The following PHACTR1 variants were observed in gnomAD, a reference collection of about 807,000 sequenced individuals.
The protein encoded by PHACTR1 is RPEL repeat containing 1.
In PHACTR1, 16 loss-of-function variants were observed where a neutral mutation model predicts 69.2. The ratio of observed to expected loss-of-function variants is 0.23; its 90% CI spans 0.16 to 0.35. PHACTR1 has a LOEUF of 0.35. Ranked by LOEUF, PHACTR1 falls within the 10% of genes least tolerant of loss-of-function variation. PHACTR1 has a pLI of 1.00. For missense variants in PHACTR1, 510 were observed against 734.7 expected (o/e 0.69, Z 3.54); for synonymous variants, 312 against 284.5 (o/e 1.10, Z -0.97).
chr6:13,120,801 T>C (rs1818600406), intron 5 of PHACTR1, among the ~76,000 whole-genome samples: 1 of 152,144 alleles, frequency 6.6e-6, no homozygotes, highest in Admixed American at 6.5e-5. Flanking sequence ...GTCCTCATTA[T>C]TGTTGTCATT....
chr6:13,107,076 A>T (rs1816272785), intron 5 of PHACTR1, among the ~76,000 whole-genome samples: 1 of 149,604 alleles, frequency 6.7e-6, no homozygotes, highest in South Asian at 2.1e-4. Flanking sequence ...ATGAGTTAGG[A>T]GATGTTTCCT....
At chr6:13,121,576 G>A (rs1561859484) in intron 5 of PHACTR1, among the ~76,000 whole-genome samples, 1 of 152,098 alleles carries the variant, frequency 6.6e-6, no homozygotes, top group Non-Finnish European at 1.5e-5. Flanking sequence ...GTTTGCATGG[G>A]GTCTCACATG....
intron 10 of PHACTR1, among the ~76,000 whole-genome samples, chr6:13,262,274 A>G (rs453695): frequency 0.88 from 134,196 of 152,150 alleles, 59,673 homozygotes; most frequent in African/African-American, 0.93. Flanking sequence ...GCATCTCACT[A>G]GGACTCCATA....
Position 12,923,227 on chromosome 6 carries a change from A to G in PHACTR1, c.251-130138A>G, listed in dbSNP as rs548316994. On this transcript the variant is annotated intron_variant, in intron 4 of 14. Transcript: ENST00000332995. Reference sequence around the variant, plus strand: ...GGAGACAGGGGTCTAGATATGACTGACAAGTCTTTATCAAAGGTCATGGAA... The same window carrying G: ...GGAGACAGGGGTCTAGATATGACTGGCAAGTCTTTATCAAAGGTCATGGAA... Among the ~76,000 whole-genome samples the G allele has an allele frequency of 6.6e-5, 10 of 152,292 alleles. No homozygotes were observed. In the East Asian group the frequency reaches 1.9e-3, roughly 29 times the overall value.
At chr6:13,089,601 C>T (rs563078070) in intron 5 of PHACTR1, among the ~76,000 whole-genome samples, 1 of 152,146 alleles carries the variant, frequency 6.6e-6, no homozygotes, top group South Asian at 2.1e-4. Flanking sequence ...GTGGGGAAAC[C>T]AAGGCCAAAA....
rs957927129 is a variant in PHACTR1 at position 12,723,356 on chromosome 6, C to T, written c.103+4509C>T. ...GTTAGGAATGTAGCATCTCAGGCCC[C>T]ACCCTAGACCTAGAGAATCAGAATC... is the stretch of plus-strand genomic sequence containing the variant. On this transcript the variant is annotated intron_variant, in intron 3 of 14. Transcript: ENST00000332995. 5.9e-5 allele frequency among the ~76,000 whole-genome samples: 9 copies of T among 152,244 alleles called. No homozygotes were observed. In the South Asian group the frequency reaches 1.9e-3, roughly 32 times the overall value.
chr6:13,201,511 C>T (rs1765231295), intron 7 of PHACTR1, among the ~76,000 whole-genome samples: 1 of 152,118 alleles, frequency 6.6e-6, no homozygotes, highest in Non-Finnish European at 1.5e-5. Flanking sequence ...CATCATGGAC[C>T]TCACGCATGC....
At chr6:12,766,363 C>T (rs1250408885) in intron 4 of PHACTR1, among the ~76,000 whole-genome samples, 2 of 152,152 alleles carry the variant, frequency 1.3e-5, no homozygotes, top group African/African-American at 2.4e-5. Flanking sequence ...CCAGTGAACA[C>T]ATCTTGCAGG....
chr6:13,081,789 T>C (rs2127798980), intron 5 of PHACTR1, among the ~76,000 whole-genome samples: 1 of 152,294 alleles, frequency 6.6e-6, no homozygotes, highest in East Asian at 1.9e-4. Context: ...ATTGTACCAC[T>C]GCACTTCAGC....
intron 4 of PHACTR1, among the ~76,000 whole-genome samples, chr6:13,044,708 A>G (rs944298312): frequency 6.6e-6 from 1 of 152,186 alleles, no homozygotes; most frequent in Non-Finnish European, 1.5e-5. Context: ...TAGATTCCGG[A>G]TCTGGACCCA....
intron 7 of PHACTR1, among the ~76,000 whole-genome samples, chr6:13,202,668 G>T (rs1583903525): frequency 1.3e-5 from 2 of 152,066 alleles, no homozygotes; most frequent in African/African-American, 4.8e-5. Flanking sequence ...GTAGAGACGG[G>T]GTTTCACCAT....
intron 6 of PHACTR1, among the ~76,000 whole-genome samples, chr6:13,168,686 C>T (rs553164054): frequency 6.6e-6 from 1 of 152,210 alleles, no homozygotes; most frequent in South Asian, 2.1e-4. Flanking sequence ...GGAGTGGTAT[C>T]TTAGAGGAAC....
chr6:12,901,909 G>A (rs1258034749), intron 4 of PHACTR1, among the ~76,000 whole-genome samples: 1 of 152,188 alleles, frequency 6.6e-6, no homozygotes, highest in African/African-American at 2.4e-5. Flanking sequence ...ATGCTTGACA[G>A]TGGTTTCTCA....
At chr6:13,099,914 A>G (rs947324280) in intron 5 of PHACTR1, among the ~76,000 whole-genome samples, 1 of 152,246 alleles carries the variant, frequency 6.6e-6, no homozygotes, top group African/African-American at 2.4e-5. Flanking sequence ...ATAGTAAATC[A>G]GGAAGGGTTG....
At chr6:13,049,709 G>C (rs1805627218) in intron 4 of PHACTR1, among the ~76,000 whole-genome samples, 1 of 152,148 alleles carries the variant, frequency 6.6e-6, no homozygotes. Context: ...AGCTTACTCA[G>C]GTTGAGAGTA....
chr6:13,242,379 C>T (rs1181621206), intron 10 of PHACTR1, among the ~76,000 whole-genome samples: 1 of 152,220 alleles, frequency 6.6e-6, no homozygotes, highest in Non-Finnish European at 1.5e-5. Context: ...ACTGAGCCTA[C>T]AGTTGCCACA....
intron 5 of PHACTR1, among the ~76,000 whole-genome samples, chr6:13,107,602 G>T (rs954713373): frequency 6.6e-6 from 1 of 152,026 alleles, no homozygotes; most frequent in Non-Finnish European, 1.5e-5. Flanking sequence ...GATAATTTAC[G>T]TCTTTCAAAC....
intron 4 of PHACTR1, among the ~76,000 whole-genome samples, chr6:12,999,141 A>G (rs947761860): frequency 6.6e-6 from 1 of 152,228 alleles, no homozygotes; most frequent in African/African-American, 2.4e-5. Context: ...AAGAGAATTG[A>G]TTAGGATGCT....
intron 4 of PHACTR1, among the ~76,000 whole-genome samples, chr6:12,825,771 G>A (rs993336138): frequency 2.0e-5 from 3 of 152,018 alleles, no homozygotes; most frequent in Non-Finnish European, 4.4e-5. Flanking sequence ...TGCAGGTCTG[G>A]TTGTCTCATT....
Sources: gnomAD v4.1 joint callset for allele counts (sites outside exome capture counted in the v4.1 genomes callset) on GRCh38, gnomAD v4.1.1 for gene constraint, MANE v1.5 for transcripts, NCBI Gene and HGNC (gene_info 2026-07-23, HGNC 2026-07-21) for gene names.